ITGA7: variants seen among roughly 807,000 people sequenced by gnomAD.
The protein encoded by ITGA7 is integrin alpha-7.
Under a neutral mutation model 131.6 loss-of-function variants are expected in ITGA7, and 84 were observed. The ratio of observed to expected loss-of-function variants is 0.64; its 90% CI spans 0.54 to 0.77. The LOEUF is 0.77. ITGA7 is among the 30% of genes least tolerant of loss of function. The pLI is 0.00. For missense variants in ITGA7, 1,399 were observed against 1,482.9 expected (o/e 0.94, Z 0.93); for synonymous variants, 548 against 600.7 (o/e 0.91, Z 1.28).
Position 55,693,292 on chromosome 12 carries a change from C to T in ITGA7, c.2561G>A (p.Arg854Lys). Residue 854 changes from arginine to lysine, a missense_variant, in exon 20 of 25, where the codon AGA becomes AAA. Physicochemically the swap from Arg to Lys is conservative, Grantham distance 26. Coordinates refer to ENST00000257879, the MANE Select transcript of ITGA7 (RefSeq NM_002206.3). ...VTVSNQGQSLRTLGSAFLNIM... is the reference protein window; with the variant it reads ...VTVSNQGQSLKTLGSAFLNIM... ...GTTGAGGAAGGCAGAGCCCAGGGTT[C>T]TGAGCGACTGGCCTTGGTTGGAAAC... 1 of 1,613,826 alleles carries T rather than the reference C, an allele frequency of 6.2e-7. No individual in the cohort carries two copies. Among genetic ancestry groups the T allele is most frequent in the Non-Finnish European group, 8.5e-7 (1 of 1,179,982 alleles).
intron 3 of ITGA7, among the ~76,000 whole-genome samples, chr12:55,702,280 C>T (rs907655639): frequency 3.3e-5 from 5 of 151,832 alleles, no homozygotes; most frequent in Non-Finnish European, 4.4e-5. Flanking sequence ...CTCCGGTTCA[C>T]GCCATTCTCC....
At chr12:55,714,692 A>C (rs1876378197), upstream of ITGA7, among the ~76,000 whole-genome samples, 1 of 150,150 alleles carries the variant, frequency 6.7e-6, no homozygotes, top group Admixed American at 6.6e-5. Flanking sequence ...TCTCAAAAAT[A>C]ATAATAATTT....
rs780868817 is a variant in ITGA7 at position 55,697,036 on chromosome 12, G to T, written c.1600C>A (p.Arg534=). The T allele has an allele frequency of 6.2e-7, 1 of 1,614,016 alleles. No individual in the cohort carries two copies. Among genetic ancestry groups the T allele is most frequent in the Non-Finnish European group, 8.5e-7 (1 of 1,180,006 alleles). Residue 534 remains arginine (R), a synonymous_variant, in exon 12 of 25, where the codon CGG becomes AGG. Transcript: ENST00000257879. The part of the protein sequence containing the change: ...LDYVLDADTD[R]RLRGQVPRVT... The stretch of plus-strand genomic sequence containing the variant: ...CGGGGAACCTGGCCCCGGAGCCTCC[G>T]GTCTGTGTCCGCATCTAACACATAG...
chr12:55,685,849 GCA>G (rs1008806256), intron 24 of ITGA7, among the ~76,000 whole-genome samples: 2 of 152,170 alleles, frequency 1.3e-5, no homozygotes, highest in African/African-American at 4.8e-5. Flanking sequence ...ATGTGCCCCT[GCA>G]CACTCACACT....
intron 24 of ITGA7, chr12:55,686,365 T>C: frequency 9.0e-7 from 1 of 1,110,392 alleles, no homozygotes. Flanking sequence ...ATGGAAAGAT[T>C]GAGGAAGGAC....
chr12:55,687,880 G>A, intron 24 of ITGA7, 91 bp downstream of exon 24: 1 of 1,547,558 alleles, frequency 6.5e-7, no homozygotes, highest in Non-Finnish European at 8.9e-7. Context: ...CTGAATACAT[G>A]AGTGTGTGGG....
rs751356546 is a variant in ITGA7, at chr12:55,685,036, G to A, written c.*22C>T. ...GGGGAAGGGATGGAGGGCAGCCACA[G>A]GCCAGGCTGGGACATGGGAACCTAG... On this transcript the variant is annotated 3_prime_UTR_variant, in exon 25 of 25. Transcript: ENST00000257879. The A allele has an allele frequency of 6.4e-7, 1 of 1,550,740 alleles. No homozygotes were observed. Among genetic ancestry groups the A allele is most frequent in the Admixed American group, 1.8e-5 (1 of 56,580 alleles).
intron 19 of ITGA7, 62 bp from the exon 20 acceptor site, chr12:55,693,379 T>A: frequency 7.2e-7 from 1 of 1,394,072 alleles, no homozygotes; most frequent in Non-Finnish European, 1.0e-6. Context: ...TTTTTTTTAA[T>A]TTTTTGTAGA....
Position 55,697,068 on chromosome 12 carries a change from G to C in ITGA7, c.1568C>G (p.Ala523Gly), listed in dbSNP as rs773665634. 6.2e-7 allele frequency: 1 copy of C among 1,613,508 alleles called. No individual in the cohort carries two copies. Residue 523 changes from alanine (A) to glycine (G), a missense_variant and splice_region_variant, in exon 12 of 25, where the codon GCC becomes GGC. By Grantham distance (60) the Ala-to-Gly change is moderately conservative (BLOSUM62 0). Transcript: ENST00000257879. Reference protein sequence around the residue: ...AVPSSYSPTVALDYVLDADTD... With the variant: ...AVPSSYSPTVGLDYVLDADTD... ...GTCCGCATCTAACACATAGTCCAGG[G>C]CTGTGGCATGTTGGGAAAGGAGGAG...
At chr12:55,701,213 A>C in intron 3 of ITGA7, 59 bp from the exon 4 acceptor site, 1 of 1,612,148 alleles carries the variant, frequency 6.2e-7, no homozygotes, top group Non-Finnish European at 8.5e-7. Flanking sequence ...TGCTTGAGGC[A>C]TGCTGCCCAT....
Position 55,707,811 on chromosome 12 carries a change from GC to G in ITGA7, c.-130del. On this transcript the variant is annotated 5_prime_UTR_variant, in exon 1 of 25. Coordinates refer to ENST00000257879, the MANE Select transcript of ITGA7 (RefSeq NM_002206.3). Reference sequence around the variant, plus strand: ...TCTTTCAGACGTCTCCCAGACGTTCGCCCCGCCAGCCCTCCCGCCCGCCCGC... The same window carrying G: ...TCTTTCAGACGTCTCCCAGACGTTCGCCCGCCAGCCCTCCCGCCCGCCCGC... 6.7e-7 allele frequency: 1 copy of G among 1,483,354 alleles called. No homozygotes were observed. The highest frequency in any genetic ancestry group is 1.4e-5 in the African/African-American group (1 of 71,572). The allele number at this position is 1,483,354 out of a possible 1,614,324, so 91.9% of individuals were successfully genotyped here.
At chr12:55,688,732 A>T (rs1592405744) in intron 22 of ITGA7, 112 bp downstream of exon 22, 1 of 822,536 alleles carries the variant, frequency 1.2e-6, no homozygotes, top group Non-Finnish European at 2.0e-6. Flanking sequence ...CAAAAAAAAA[A>T]AAAAGGGGGG....
intron 3 of ITGA7, among the ~76,000 whole-genome samples, chr12:55,702,590 C>T (rs139131523): frequency 7.5e-4 from 115 of 152,324 alleles, no homozygotes; most frequent in African/African-American, 2.4e-3. Flanking sequence ...GCTGGGATTA[C>T]AGGCATGAGC....
chr12:55,697,431 GC>G lies in ITGA7; in HGVS notation c.1505+19del. 2 of 1,611,296 alleles carry G rather than the reference GC, an allele frequency of 1.2e-6. No individual in the cohort carries two copies. The highest frequency in any genetic ancestry group is 1.7e-6 in the Non-Finnish European group (2 of 1,177,818). ...CAGGGGAAGCTGCCAGGGTCCAGGT[GC>G]CACCCGATCCCACCTCACCAGACCG... is the stretch of plus-strand genomic sequence containing the variant. On this transcript the variant is annotated intron_variant, in intron 10 of 24. Transcript: ENST00000257879.
intron 1 of ITGA7, among the ~76,000 whole-genome samples, chr12:55,705,416 C>G (rs1179901666): frequency 6.6e-6 from 1 of 151,852 alleles, no homozygotes; most frequent in African/African-American, 2.4e-5. Context: ...GGCAGAGGGA[C>G]CCCCTGGGAG....
rs1006043612 is a variant in ITGA7, at chr12:55,694,940, T to C, written c.2034A>G (p.Ala678=). ...MDVDGTTALF[A]LSGQPVIGLE... ...GGCCAATGACTGGCTGCCCACTCAG[T>C]GCAAACAGGGCTGTTGTTCCATCCA... is the stretch of plus-strand genomic sequence containing the variant. Residue 678 remains alanine (A), a synonymous_variant, in exon 15 of 25, where the codon GCA becomes GCG. Coordinates refer to ENST00000257879, the MANE Select transcript of ITGA7 (RefSeq NM_002206.3). The surrounding 1 kb of genome is among the most constrained non-coding windows in gnomAD (Gnocchi z 5.3). The C allele has an allele frequency of 3.7e-6, 6 of 1,613,756 alleles. No homozygotes were observed. Among genetic ancestry groups the C allele is most frequent in the Non-Finnish European group, 5.1e-6 (6 of 1,179,966 alleles).
At chr12:55,699,037 T>G in intron 5 of ITGA7, 120 bp from the exon 6 acceptor site, 2 of 832,202 alleles carry the variant, frequency 2.4e-6, no homozygotes, top group Admixed American at 2.3e-5. Context: ...ACAGCTCCCC[T>G]GCACCCTGCC....
At chr12:55,698,612 C>T (rs1873198157) in intron 6 of ITGA7, 36 bp from the exon 7 acceptor site, 7 of 1,613,388 alleles carry the variant, frequency 4.3e-6, no homozygotes, top group South Asian at 1.1e-5. Context: ...GTGGGTCCTC[C>T]CTGGCCAGAG....
At chr12:55,698,054 C>G (rs200636405) in intron 7 of ITGA7, 28 bp from the exon 8 acceptor site, 1 of 1,605,944 alleles carries the variant, frequency 6.2e-7, no homozygotes, top group Non-Finnish European at 8.5e-7. Context: ...AAGGCAGTCA[C>G]GCTGGCTGGG....
Sources: gnomAD v4.1 joint callset for allele counts (sites outside exome capture counted in the v4.1 genomes callset) on GRCh38, gnomAD v4.1.1 for gene constraint, Gnocchi (gnomAD v3.1) non-coding constraint, MANE v1.5 for transcripts, NCBI Gene and HGNC (gene_info 2026-07-23, HGNC 2026-07-21) for gene names.